MFSD6: variants seen among roughly 807,000 people sequenced by gnomAD.
The protein encoded by MFSD6 is major facilitator superfamily domain-containing protein 6.
Under a neutral mutation model 56.3 loss-of-function variants are expected in MFSD6, and 26 were observed. The observed-to-expected ratio is 0.46, with a 90% CI of 0.34 to 0.64. MFSD6 has a LOEUF of 0.64. Among genes scored for constraint, MFSD6 ranks in the 30% least tolerant of loss-of-function variants. The pLI is 0.01. For missense variants in MFSD6, 750 were observed against 986.2 expected (o/e 0.76, Z 3.21); for synonymous variants, 331 against 366.9 (o/e 0.90, Z 1.12).
chr2:190,417,884 A>C lies in MFSD6; in HGVS notation c.-54+2471A>C, dbSNP rs181734226. On this transcript the variant is annotated intron_variant, in intron 2 of 7. Coordinates refer to ENST00000392328, the MANE Select transcript of MFSD6 (RefSeq NM_017694.4). This position sits in a 1 kb window ranked among gnomAD's most constrained non-coding sequence, Gnocchi z 5.7. Reference sequence around the variant, plus strand: ...TCCAGAAGCATGCCTATTGTCCCTAATATCTTTTAGTTAATAAATTATATA... The same window carrying C: ...TCCAGAAGCATGCCTATTGTCCCTACTATCTTTTAGTTAATAAATTATATA... 6.6e-6 allele frequency among the ~76,000 whole-genome samples: 1 copy of C among 151,630 alleles called. No homozygotes were observed. The highest frequency in any genetic ancestry group is 1.9e-4 in the East Asian group (1 of 5,186).
At chr2:190,432,502 C>T (rs373142850) in intron 2 of MFSD6, among the ~76,000 whole-genome samples, 17 of 152,244 alleles carry the variant, frequency 1.1e-4, no homozygotes, top group Middle Eastern at 3.4e-3. Flanking sequence ...CTGCAACCTC[C>T]GGCTCCTGGG....
rs956089630 is a variant in MFSD6, at chr2:190,465,132, G to A, written c.1533-4626G>A. 6.6e-6 allele frequency among the ~76,000 whole-genome samples: 1 copy of A among 152,154 alleles called. No homozygotes were observed. The highest frequency in any genetic ancestry group is 2.4e-5 in the African/African-American group (1 of 41,438). ...GTGCTTATATAAGAAATTAGAATCT[G>A]TAACAATTTTTTTCTCCTACTCTTG... On this transcript the variant is annotated intron_variant, in intron 3 of 7. Coordinates refer to ENST00000392328, the MANE Select transcript of MFSD6 (RefSeq NM_017694.4). The surrounding 1 kb of genome is among the most constrained non-coding windows in gnomAD (Gnocchi z 4.6).
chr2:190,475,451 C>T (rs1338781241), intron 4 of MFSD6, among the ~76,000 whole-genome samples: 2 of 152,156 alleles, frequency 1.3e-5, no homozygotes, highest in African/African-American at 4.8e-5. Context: ...TGAGTGAACT[C>T]CCATTCACAA....
Position 190,501,226 on chromosome 2 carries a change from TTTG to T in MFSD6, c.*1011_*1013del, listed in dbSNP as rs1690006955. The T allele has an allele frequency of 6.6e-6, 1 of 152,174 alleles. No individual in the cohort carries two copies. The highest frequency in any genetic ancestry group is 2.4e-5 in the African/African-American group (1 of 41,434). 9.4% of individuals were successfully genotyped at this position (152,174 alleles called of 1,614,324 possible). On this transcript the variant is annotated 3_prime_UTR_variant, in exon 8 of 8. Transcript: ENST00000392328. ...TTTAGAAATTACATATTGGGTCAGT[TTTG>T]TTTTGTTTTTGGTGAGGAAAAGGTG...
At chr2:190,427,300 C>T (rs2125018157) in intron 2 of MFSD6, among the ~76,000 whole-genome samples, 1 of 152,302 alleles carries the variant, frequency 6.6e-6, no homozygotes, top group African/African-American at 2.4e-5. Flanking sequence ...TGGGGGTTCC[C>T]CATTATAGCT....
chr2:190,415,830 G>A lies in MFSD6; in HGVS notation c.-54+417G>A, dbSNP rs1436066340. Among the ~76,000 whole-genome samples the A allele has an allele frequency of 1.4e-4, 22 of 152,128 alleles. No individual in the cohort carries two copies. Among genetic ancestry groups the A allele is most frequent in the Admixed American group, 1.4e-3 (22 of 15,278 alleles). ...TTATAAACCTTGAGATCTATATTCT[G>A]GTCTCAATTGTAAACTCATAAAAGG... On this transcript the variant is annotated intron_variant, in intron 2 of 7. Transcript: ENST00000392328. This position sits in a 1 kb window ranked among gnomAD's most constrained non-coding sequence, Gnocchi z 4.5.
Position 190,436,816 on chromosome 2 carries a change from A to G in MFSD6, c.787A>G (p.Ile263Val), listed in dbSNP as rs768720089. Residue 263 changes from isoleucine to valine, a missense_variant, in exon 3 of 8, where the codon ATT becomes GTT. Physicochemically the swap from Ile to Val is conservative, Grantham distance 29 (BLOSUM62 3). Coordinates refer to ENST00000392328, the MANE Select transcript of MFSD6 (RefSeq NM_017694.4). This position sits in a 1 kb window ranked among gnomAD's most constrained non-coding sequence, Gnocchi z 5.3. ...CGTAACCAAGGAGACAACCACTGTT[A>G]TTGTTACCACCACCAAATCTTTACC... ...GSVTKETTTV[I>V]VTTTKSLPSD... 5 of 1,614,214 alleles carry G rather than the reference A, an allele frequency of 3.1e-6. No homozygotes were observed. The highest frequency in any genetic ancestry group is 2.7e-5 in the African/African-American group (2 of 75,044).
intron 3 of MFSD6, among the ~76,000 whole-genome samples, chr2:190,448,915 G>A (rs754589795): frequency 7.9e-5 from 12 of 152,022 alleles, no homozygotes; most frequent in South Asian, 4.1e-4. Context: ...CAATATAACC[G>A]TCCTCCTGTA....
chr2:190,437,217 C>G lies in MFSD6; in HGVS notation c.1188C>G (p.Phe396Leu). 1.2e-6 allele frequency: 2 copies of G among 1,614,222 alleles called. No homozygotes were observed. Among genetic ancestry groups the G allele is most frequent in the Non-Finnish European group, 1.7e-6 (2 of 1,180,026 alleles). Residue 396 changes from phenylalanine to leucine, a missense_variant, in exon 3 of 8, where the codon TTC becomes TTG. Physicochemically the swap from Phe to Leu is conservative, Grantham distance 22. Around this residue, in one of 5 missense-constraint regions of MFSD6, gnomAD observed 376 missense variants for 437.9 expected, o/e 0.86. Transcript: ENST00000392328. The surrounding 1 kb of genome is among the most constrained non-coding windows in gnomAD (Gnocchi z 5.9). ...ATQFRFRYNHFKNDDSKGKEV... is the reference protein window; with the variant it reads ...ATQFRFRYNHLKNDDSKGKEV... ...AGTTCCGGTTCCGCTACAACCATTT[C>G]AAAAACGATGATTCTAAAGGGAAAG...
In MFSD6 at chr2:190,437,397, C is replaced by T. The variant is rs952177768; in HGVS notation, c.1368C>T (p.Phe456=). The part of the protein sequence containing the change: ...QYGSVLFVAW[F]MGFGYGFVFT... ...GCTCAGTGCTGTTTGTGGCTTGGTT[C>T]ATGGGTTTTGGATATGGCTTCGTGT... Residue 456 remains phenylalanine (F), a synonymous_variant, in exon 3 of 8, where the codon TTC becomes TTT. Transcript: ENST00000392328. This position sits in a 1 kb window ranked among gnomAD's most constrained non-coding sequence, Gnocchi z 5.9. 6 of 1,614,108 alleles carry T rather than the reference C, an allele frequency of 3.7e-6. No homozygotes were observed. The highest frequency in any genetic ancestry group is 2.7e-5 in the African/African-American group (2 of 74,936).
rs1335352319 is a variant in MFSD6, at chr2:190,412,471, A to G, written c.-175-2821A>G. The G allele has an allele frequency of 2.0e-6, 2 of 985,312 alleles. No individual in the cohort carries two copies. Among genetic ancestry groups the G allele is most frequent in the African/African-American group, 1.7e-5 (1 of 57,248 alleles). The allele number at this position is 985,312 out of a possible 1,614,324, so 61.0% of individuals were successfully genotyped here. A position where few individuals can be genotyped will look rare whatever the true frequency, so the allele number is the denominator to read the frequency against. On this transcript the variant is annotated intron_variant, in intron 1 of 7. Coordinates refer to ENST00000392328, the MANE Select transcript of MFSD6 (RefSeq NM_017694.4). This position sits in a 1 kb window ranked among gnomAD's most constrained non-coding sequence, Gnocchi z 4.1. ...AGGCAGAAATCAAGTGCAAAGTCCT[A>G]CCCTACTACAAGGCCAGTTTGGGTA...
Position 190,463,750 on chromosome 2 carries a change from G to A in MFSD6, c.1533-6008G>A, listed in dbSNP as rs772396150. 2 of 410,848 alleles carry A rather than the reference G, an allele frequency of 4.9e-6. No homozygotes were observed. Among genetic ancestry groups the A allele is most frequent in the African/African-American group, 2.2e-5 (1 of 46,080 alleles). 25.5% of individuals were successfully genotyped at this position (410,848 alleles called of 1,614,324 possible). ...TGGGAGGATCACCTGGGCTCTGGTG[G>A]TCAAGGCTGCATTGAGCTGTGATGA... On this transcript the variant is annotated intron_variant, in intron 3 of 7. Coordinates refer to ENST00000392328, the MANE Select transcript of MFSD6 (RefSeq NM_017694.4). The surrounding 1 kb of genome is among the most constrained non-coding windows in gnomAD (Gnocchi z 4.4).
chr2:190,468,565 A>C, intron 3 of MFSD6, among the ~76,000 whole-genome samples: 1 of 148,908 alleles, frequency 6.7e-6, no homozygotes, highest in Non-Finnish European at 1.5e-5. Context: ...CAGTCCTCCT[A>C]CCTCAGCCTC....
chr2:190,428,083 C>G (rs1440988), intron 2 of MFSD6, among the ~76,000 whole-genome samples: 45,959 of 152,076 alleles, frequency 0.3, 7,275 homozygotes, highest in African/African-American at 0.39. Context: ...TATTATTTTT[C>G]CATAAGTGGA....
rs932603215 is a variant in MFSD6 at position 190,491,851 on chromosome 2, T to G, written c.1891+1985T>G. On this transcript the variant is annotated intron_variant, in intron 6 of 7. Coordinates refer to ENST00000392328, the MANE Select transcript of MFSD6 (RefSeq NM_017694.4). This position sits in a 1 kb window ranked among gnomAD's most constrained non-coding sequence, Gnocchi z 4.2. ...AAAAAGAATTCAGAAGGTCCATTAT[T>G]AAGTTAATCAAGGAGGCACTAGAGA... 1.3e-5 allele frequency among the ~76,000 whole-genome samples: 2 copies of G among 152,158 alleles called. No individual in the cohort carries two copies. Among genetic ancestry groups the G allele is most frequent in the Admixed American group, 1.3e-4 (2 of 15,278 alleles).
Position 190,424,614 on chromosome 2 carries a change from G to A in MFSD6, c.-54+9201G>A, listed in dbSNP as rs1190503287. 6.6e-6 allele frequency among the ~76,000 whole-genome samples: 1 copy of A among 152,120 alleles called. No individual in the cohort carries two copies. The highest frequency in any genetic ancestry group is 6.6e-5 in the Admixed American group (1 of 15,266). ...CCACCAAAGTGCTGGGATTACAGGC[G>A]TGAGCCACTGCGCCTGGCCGAGTTT... is the stretch of plus-strand genomic sequence containing the variant. On this transcript the variant is annotated intron_variant, in intron 2 of 7. Transcript: ENST00000392328. This position sits in a 1 kb window ranked among gnomAD's most constrained non-coding sequence, Gnocchi z 5.9.
In MFSD6 at chr2:190,456,568, CAAGAGGG is replaced by C. The variant is rs541085454; in HGVS notation, c.1533-13188_1533-13182del. 7.7e-3 allele frequency among the ~76,000 whole-genome samples: 1,166 copies of C among 152,296 alleles called. 10 individuals carry two copies. Among genetic ancestry groups the C allele is most frequent in the African/African-American group, 0.026 (1,074 of 41,554 alleles). ...CAGGGCTGATGGCATGGCCTAAGCC[CAAGAGGG>C]AGACTCTGGACAGCTCTGTCCCTGC... On this transcript the variant is annotated intron_variant, in intron 3 of 7. Coordinates refer to ENST00000392328, the MANE Select transcript of MFSD6 (RefSeq NM_017694.4). The surrounding 1 kb of genome is among the most constrained non-coding windows in gnomAD (Gnocchi z 5.4).
In MFSD6 at chr2:190,425,557, T is replaced by A. The variant is rs1193501028; in HGVS notation, c.-54+10144T>A. 1.3e-5 allele frequency among the ~76,000 whole-genome samples: 2 copies of A among 152,170 alleles called. No homozygotes were observed. Among genetic ancestry groups the A allele is most frequent in the Non-Finnish European group, 2.9e-5 (2 of 68,022 alleles). ...ACCTCAGAACCTATTTTCTGAGACT[T>A]TTTCAAATGTTTATTTTATCAAGTG... On this transcript the variant is annotated intron_variant, in intron 2 of 7. Transcript: ENST00000392328. The surrounding 1 kb of genome is among the most constrained non-coding windows in gnomAD (Gnocchi z 4.3).
chr2:190,472,125 C>T (rs1322595466), intron 4 of MFSD6, among the ~76,000 whole-genome samples: 1 of 152,130 alleles, frequency 6.6e-6, no homozygotes, highest in Admixed American at 6.5e-5. Flanking sequence ...GTAGTTAAAA[C>T]CACAAAGATG....
Sources: allele counts gnomAD v4.1 joint callset (sites outside exome capture counted in the v4.1 genomes callset), GRCh38; gene constraint gnomAD v4.1.1; regional missense constraint gnomAD v4.1.1; non-coding constraint Gnocchi (gnomAD v3.1); transcripts MANE v1.5; gene names NCBI Gene and HGNC (gene_info 2026-07-23, HGNC 2026-07-21).